COTL1: variants seen among roughly 807,000 people sequenced by gnomAD.
The protein encoded by COTL1 is coactosin-like protein.
Under a neutral mutation model 16.5 loss-of-function variants are expected in COTL1, and 15 were observed. The ratio of observed to expected loss-of-function variants is 0.91; its 90% CI spans 0.61 to 1.40. The LOEUF (loss-of-function observed/expected upper bound fraction) is 1.40, where lower values mean the gene tolerates loss of function less well. COTL1 is among the 40% of genes most tolerant of loss of function. COTL1 has a pLI of 0.00. For synonymous variants in COTL1, 112 were observed against 85.3 expected (o/e 1.31, Z -1.73); for missense variants, 220 against 201.5 (o/e 1.09, Z -0.56).
At chr16:84,592,206 C>A (rs1047771668) in intron 2 of COTL1, among the ~76,000 whole-genome samples, 4 of 152,238 alleles carry the variant, frequency 2.6e-5, no homozygotes, top group African/African-American at 4.8e-5. Context: ...TGTTTTCCAA[C>A]AAAGTTCTGT....
intron 2 of COTL1, among the ~76,000 whole-genome samples, chr16:84,611,315 G>A (rs1051226262): frequency 6.6e-6 from 1 of 152,194 alleles, no homozygotes; most frequent in Non-Finnish European, 1.5e-5. Flanking sequence ...CATGGATAGA[G>A]GATTGCTTTA....
chr16:84,617,573 T>G lies in COTL1; in HGVS notation c.88A>C (p.Lys30Gln), dbSNP rs1425910062. The stretch of plus-strand genomic sequence containing the variant: ...GGGACGATGGTGGAGCCGTCATATT[T>G]AAAAGTCACCCTTTGGGTTGGGAGA... ...DGSAVIWVTFKYDGSTIVPGE... is the reference protein window; with the variant it reads ...DGSAVIWVTFQYDGSTIVPGE... Residue 30 changes from lysine to glutamine, a missense_variant, in exon 2 of 4, where the codon AAA (lysine) becomes CAA (glutamine). Lys to Gln is a moderately conservative substitution (Grantham distance 53). Coordinates refer to ENST00000262428, the MANE Select transcript of COTL1 (RefSeq NM_021149.5). 2 of 1,556,034 alleles carry G rather than the reference T, an allele frequency of 1.3e-6. No homozygotes were observed. The highest frequency in any genetic ancestry group is 1.9e-5 in the Admixed American group (1 of 51,498).
chr16:84,582,672 G>A (rs540522916), intron 3 of COTL1, among the ~76,000 whole-genome samples: 110 of 152,250 alleles, frequency 7.2e-4, no homozygotes, highest in Non-Finnish European at 1.4e-3. Flanking sequence ...AAGAAATCCG[G>A]GTTTTGAAGG....
At chr16:84,574,394 G>A (rs1396404017) in intron 3 of COTL1, among the ~76,000 whole-genome samples, 1 of 152,168 alleles carries the variant, frequency 6.6e-6, no homozygotes, top group Non-Finnish European at 1.5e-5. Context: ...GTCACCTGTG[G>A]CTGAAGAAAG....
At chr16:84,571,869 G>A (rs1904342802) in intron 3 of COTL1, among the ~76,000 whole-genome samples, 1 of 152,216 alleles carries the variant, frequency 6.6e-6, no homozygotes, top group South Asian at 2.1e-4. Flanking sequence ...CAGCAACTCT[G>A]CAGGGGCCCA....
intron 2 of COTL1, chr16:84,594,823 T>C (rs1597178305): frequency 6.6e-6 from 1 of 152,146 alleles, no homozygotes. Context: ...GAGCCAGCTC[T>C]CCCAGCCTCT....
chr16:84,612,737 C>T (rs569436793), intron 2 of COTL1, among the ~76,000 whole-genome samples: 3 of 152,132 alleles, frequency 2.0e-5, no homozygotes, highest in East Asian at 1.9e-4. Flanking sequence ...CCAGCCTGGG[C>T]GACAGAGAAA....
chr16:84,571,189 G>C (rs868624686), intron 3 of COTL1, among the ~76,000 whole-genome samples: 5 of 152,248 alleles, frequency 3.3e-5, no homozygotes, highest in African/African-American at 9.6e-5. Context: ...TGGTGCATTT[G>C]GCTCTGCTCC....
At chr16:84,584,974 T>C (rs374113996) in intron 3 of COTL1, among the ~76,000 whole-genome samples, 4 of 152,128 alleles carry the variant, frequency 2.6e-5, no homozygotes, top group African/African-American at 7.2e-5. Context: ...ACCTTCCCCC[T>C]TGGCAAAGTA....
chr16:84,567,132 A>C, intron 3 of COTL1, 177 bp from the exon 4 acceptor site: 1 of 576,902 alleles, frequency 1.7e-6, no homozygotes. Flanking sequence ...ATGGAAATTG[A>C]ACAGCAGAGT....
intron 2 of COTL1, among the ~76,000 whole-genome samples, chr16:84,607,963 T>C (rs1905246874): frequency 6.6e-6 from 1 of 151,948 alleles, no homozygotes; most frequent in African/African-American, 2.4e-5. Flanking sequence ...GAGAGAGACA[T>C]AAAAGGAGAA....
intron 2 of COTL1, among the ~76,000 whole-genome samples, chr16:84,591,463 C>T (rs538085296): frequency 6.7e-6 from 1 of 149,922 alleles, no homozygotes; most frequent in East Asian, 2.0e-4. Context: ...GGATTACAGG[C>T]GTGAGCCACC....
chr16:84,591,528 G>GA (rs537598805), intron 2 of COTL1, among the ~76,000 whole-genome samples: 4 of 148,114 alleles, frequency 2.7e-5, no homozygotes, highest in African/African-American at 9.9e-5. Flanking sequence ...GGCCAGGTAT[G>GA]GTGGCTCACC....
chr16:84,589,471 T>C (rs1428639014), intron 3 of COTL1, among the ~76,000 whole-genome samples: 1 of 151,982 alleles, frequency 6.6e-6, no homozygotes, highest in East Asian at 1.9e-4. Flanking sequence ...AGGGAGAGAT[T>C]CCCTACTTCA....
chr16:84,581,355 G>C (rs1904588166), intron 3 of COTL1, among the ~76,000 whole-genome samples: 2 of 152,082 alleles, frequency 1.3e-5, no homozygotes, highest in Non-Finnish European at 2.9e-5. Context: ...CCCTTTGAAG[G>C]CAGCGAACAG....
intron 3 of COTL1, chr16:84,575,168 G>A (rs532740132): frequency 6.6e-6 from 1 of 151,740 alleles, no homozygotes; most frequent in South Asian, 2.1e-4. Context: ...CTCTCGAGTA[G>A]CTGGAATTAC....
At chr16:84,610,012 G>A (rs1454065809) in intron 2 of COTL1, among the ~76,000 whole-genome samples, 1 of 152,184 alleles carries the variant, frequency 6.6e-6, no homozygotes, top group African/African-American at 2.4e-5. Flanking sequence ...ACATAGGGTT[G>A]GTGTGGGGGT....
At chr16:84,582,250 C>G (rs895859917) in intron 3 of COTL1, among the ~76,000 whole-genome samples, 3 of 151,906 alleles carry the variant, frequency 2.0e-5, no homozygotes, top group African/African-American at 4.8e-5. Context: ...CCACCTCGGC[C>G]TCCCAAAGTG....
intron 2 of COTL1, among the ~76,000 whole-genome samples, chr16:84,614,243 C>T (rs1404589775): frequency 6.6e-6 from 1 of 152,178 alleles, no homozygotes; most frequent in Non-Finnish European, 1.5e-5. Flanking sequence ...GAAGCAAGAG[C>T]GGAGGTAGCG....
Sources: allele counts gnomAD v4.1 joint callset (sites outside exome capture counted in the v4.1 genomes callset), GRCh38; gene constraint gnomAD v4.1.1; transcripts MANE v1.5; gene names NCBI Gene and HGNC (gene_info 2026-07-23, HGNC 2026-07-21).